Variants in GLIS3 observed in about 807,000 individuals in gnomAD.
GLIS3 encodes the protein zinc finger protein GLIS3.
In GLIS3, 53 loss-of-function variants were observed where a neutral mutation model predicts 78.6. The ratio of observed to expected loss-of-function variants is 0.67; its 90% CI spans 0.54 to 0.85. The LOEUF is 0.85. Ranked by LOEUF, GLIS3 falls within the 40% of genes least tolerant of loss-of-function variation. The probability of loss-of-function intolerance (pLI) is 0.00; values close to 1 mark genes in which losing one functional copy is unlikely to be tolerated. For missense variants in GLIS3, 1,703 were observed against 1,231.1 expected (o/e 1.38, Z -5.74); for synonymous variants, 684 against 509.9 (o/e 1.34, Z -4.60).
the GLIS3 span, among the ~76,000 whole-genome samples, chr9:4,413,519 G>C: frequency 2.0e-5 from 3 of 152,090 alleles, no homozygotes; most frequent in Admixed American, 6.6e-5. Flanking sequence ...GCAAGCTCCA[G>C]TTTCCACCTC....
chr9:4,328,950 A>G (rs189748389), intron 2 of GLIS3, among the ~76,000 whole-genome samples: 1 of 152,310 alleles, frequency 6.6e-6, no homozygotes, highest in East Asian at 1.9e-4. Flanking sequence ...AGTTTCTCAT[A>G]AGCTCCAGCA....
intron 4 of GLIS3, among the ~76,000 whole-genome samples, chr9:4,016,340 A>T (rs1478791537): frequency 6.6e-6 from 1 of 152,184 alleles, no homozygotes; most frequent in African/African-American, 2.4e-5. Flanking sequence ...TCTTAAAACG[A>T]GCTCCTGGCC....
intron 4 of GLIS3, among the ~76,000 whole-genome samples, chr9:4,115,908 A>T (rs1831600768): frequency 6.6e-6 from 1 of 152,194 alleles, no homozygotes; most frequent in Non-Finnish European, 1.5e-5. Flanking sequence ...AGATCAGAGG[A>T]AGAGAAATCA....
At chr9:4,327,050 A>G (rs1354550060) in intron 2 of GLIS3, among the ~76,000 whole-genome samples, 1 of 152,250 alleles carries the variant, frequency 6.6e-6, no homozygotes, top group African/African-American at 2.4e-5. Flanking sequence ...GAAACAAGTA[A>G]TCTCATAAAT....
chr9:4,489,163 G>A, the GLIS3 span, among the ~76,000 whole-genome samples: 4 of 152,070 alleles, frequency 2.6e-5, no homozygotes, highest in Admixed American at 6.6e-5. Flanking sequence ...CACCGCACCC[G>A]GGTCCCCTTC....
At chr9:4,013,475 T>A (rs913883572) in intron 4 of GLIS3, among the ~76,000 whole-genome samples, 10 of 152,248 alleles carry the variant, frequency 6.6e-5, no homozygotes, top group African/African-American at 2.4e-4. Flanking sequence ...TCATTCTATA[T>A]GACTGTAGCA....
At position 4,107,770 on chromosome 9, in the gene GLIS3, G is replaced by C. The variant is rs189887454; in HGVS notation, c.1710+9998C>G. 3.7e-4 allele frequency among the ~76,000 whole-genome samples: 55 copies of C among 146,770 alleles called. 1 individual carries two copies. In the East Asian group the frequency reaches 0.011, roughly 28 times the overall value. On this transcript the variant is annotated intron_variant, in intron 4 of 10. Transcript: ENST00000381971. ...GGTTACCTAAAAAAAAAAAAACATG[G>C]CTGGCATCATTTTCTGAGGAGCCAG...
Position 4,118,370 on chromosome 9 carries a change from T to C in GLIS3, c.1108A>G (p.Lys370Glu), listed in dbSNP as rs745694841. The change falls in exon 4 of 11, where the codon AAG becomes GAG. Residue 370 changes from lysine (K) to glutamate (E), a missense_variant. Lys to Glu is a moderately conservative substitution (Grantham distance 56). Transcript: ENST00000381971. This position sits in a 1 kb window ranked among gnomAD's most constrained non-coding sequence, Gnocchi z 4.7. ...CCTCCAGGGGCCACCAGCACGCCCT[T>C]CTGGCTGCCGGGCACCGGGCGCGGC... is the stretch of plus-strand genomic sequence containing the variant. ...PQPRPVPGSQKGVLVAPGGLA... is the reference protein window; with the variant it reads ...PQPRPVPGSQEGVLVAPGGLA... 3.1e-6 allele frequency: 5 copies of C among 1,593,246 alleles called. No homozygotes were observed. In the South Asian group the frequency reaches 3.3e-5, roughly 11 times the overall value.
chr9:4,250,390 A>G (rs1353017729), intron 2 of GLIS3, among the ~76,000 whole-genome samples: 3 of 152,108 alleles, frequency 2.0e-5, no homozygotes, highest in Admixed American at 6.5e-5. Flanking sequence ...TAGATTTTCT[A>G]CTTTATTTGC....
In GLIS3 at chr9:4,074,682, C is replaced by T. The variant is rs532357229; in HGVS notation, c.1710+43086G>A. Among the ~76,000 whole-genome samples, 19 of 152,144 alleles carry T rather than the reference C, an allele frequency of 1.2e-4. No individual in the cohort carries two copies. The South Asian group carries it at 1.5e-3, about 12-fold the overall frequency. ...CACTATGAAGCCAAGTTTGGGGCCC[C>T]ACTCCTCTACCAGCACCTTTTCTTA... is the stretch of plus-strand genomic sequence containing the variant. On this transcript the variant is annotated intron_variant, in intron 4 of 10. Coordinates refer to ENST00000381971, the MANE Select transcript of GLIS3 (RefSeq NM_001042413.2).
chr9:4,124,511 T>C (rs538547463), intron 3 of GLIS3, among the ~76,000 whole-genome samples: 6 of 152,304 alleles, frequency 3.9e-5, no homozygotes, highest in African/African-American at 1.4e-4. Context: ...GCACAGTTCA[T>C]TTTACATGCA....
At chr9:3,920,611 T>TTC (rs1824820989) in intron 6 of GLIS3, among the ~76,000 whole-genome samples, 1 of 148,388 alleles carries the variant, frequency 6.7e-6, no homozygotes, top group Admixed American at 6.8e-5. Context: ...AAGAACAGGT[T>TTC]TTTTTTTTTT....
intron 2 of GLIS3, among the ~76,000 whole-genome samples, chr9:4,327,427 G>C (rs751739226): frequency 6.6e-6 from 1 of 152,174 alleles, no homozygotes; most frequent in African/African-American, 2.4e-5. Context: ...GATCAGTTAG[G>C]AGGGTCCTGC....
At chr9:3,984,429 G>A (rs141958246) in intron 4 of GLIS3, among the ~76,000 whole-genome samples, 193 of 152,288 alleles carry the variant, frequency 1.3e-3, no homozygotes, top group African/African-American at 4.4e-3. Flanking sequence ...TGACTGCCCC[G>A]CTGGATTTGG....
intron 6 of GLIS3, among the ~76,000 whole-genome samples, chr9:3,904,529 C>T (rs1012907999): frequency 6.6e-6 from 1 of 152,088 alleles, no homozygotes; most frequent in Admixed American, 6.5e-5. Context: ...TTCTGGAGAA[C>T]CCTGACTGAT....
chr9:4,026,163 C>A (rs1240753165), intron 4 of GLIS3, among the ~76,000 whole-genome samples: 1 of 152,172 alleles, frequency 6.6e-6, no homozygotes, highest in Non-Finnish European at 1.5e-5. Flanking sequence ...CACAGGTATT[C>A]AATCAAAGAG....
At chr9:4,245,078 C>G (rs892380875) in intron 2 of GLIS3, among the ~76,000 whole-genome samples, 23 of 152,166 alleles carry the variant, frequency 1.5e-4, no homozygotes, top group Admixed American at 8.5e-4. Context: ...AAATACACAT[C>G]TAGATGCTCT....
intron 6 of GLIS3, among the ~76,000 whole-genome samples, chr9:3,905,355 G>T (rs1299001181): frequency 2.0e-5 from 3 of 151,890 alleles, no homozygotes; most frequent in African/African-American, 7.3e-5. Context: ...AAAGAACCTG[G>T]GTAGCCAAGT....
chr9:4,166,206 T>C (rs1187125004), intron 2 of GLIS3, among the ~76,000 whole-genome samples: 3 of 152,146 alleles, frequency 2.0e-5, no homozygotes, highest in Non-Finnish European at 4.4e-5. Context: ...ATCCAAAAAC[T>C]GTTAGCTATA....
Sources: gnomAD v4.1 joint callset for allele counts (sites outside exome capture counted in the v4.1 genomes callset) on GRCh38, gnomAD v4.1.1 for gene constraint, Gnocchi (gnomAD v3.1) non-coding constraint, MANE v1.5 for transcripts, NCBI Gene and HGNC (gene_info 2026-07-23, HGNC 2026-07-21) for gene names.